The following PPIL3 variants were observed in gnomAD, a reference collection of about 807,000 sequenced individuals.
PPIL3 encodes peptidylprolyl isomerase like 3.
In PPIL3, 13 loss-of-function variants were observed where a neutral mutation model predicts 20.9. The observed-to-expected ratio is 0.62, with a 90% confidence interval of 0.40 to 0.99. The LOEUF is 0.99. PPIL3 is among the 50% of genes least tolerant of loss of function. The pLI, the probability that PPIL3 is intolerant of heterozygous loss-of-function variation, is 0.00. For missense variants in PPIL3, 170 were observed against 195.2 expected, an observed-to-expected ratio of 0.87 and a Z score of 0.77; for synonymous variants, 71 against 64.4, an observed-to-expected ratio of 1.10 and a Z score of -0.49.
chr2:200,880,302 T>C (rs575290689), intron 5 of PPIL3, among the ~76,000 whole-genome samples: 2 of 152,130 alleles, frequency 1.3e-5, no homozygotes, highest in African/African-American at 4.8e-5. Flanking sequence ...AGTCTCATCA[T>C]CCAGAGATAA....
intron 4 of PPIL3, 174 bp from the exon 5 acceptor site, chr2:200,881,662 CCT>C: frequency 1.9e-6 from 1 of 539,954 alleles, no homozygotes; most frequent in African/African-American, 2.2e-5. Flanking sequence ...TTAAAACAGA[CCT>C]ACAAAAAACA....
chr2:200,884,085 G>A (rs1296889209), intron 3 of PPIL3, among the ~76,000 whole-genome samples: 3 of 152,106 alleles, frequency 2.0e-5, no homozygotes, highest in Non-Finnish European at 4.4e-5. Context: ...ATATATACAG[G>A]TGACTCTTCT....
chr2:200,885,624 G>C (rs988202461), intron 3 of PPIL3, 74 bp downstream of exon 3: 2 of 957,078 alleles, frequency 2.1e-6, no homozygotes, highest in Non-Finnish European at 3.3e-6. Flanking sequence ...TGTTATTTAG[G>C]TTAGATTATT....
At chr2:200,886,454 C>T (rs1314291711) in intron 2 of PPIL3, among the ~76,000 whole-genome samples, 1 of 147,936 alleles carries the variant, frequency 6.8e-6, no homozygotes, top group Non-Finnish European at 1.5e-5. Context: ...GAGGTGGAGT[C>T]TTGCTCTGTC....
rs2301981 is a variant in PPIL3, at chr2:200,885,878, A to G, written c.4-106T>C. ...TCAAGATGATAATCTGAATAAAAAC[A>G]GACAGAAATACTGCTTCAGAGATGA... On this transcript the variant is annotated intron_variant, in intron 2 of 6. Transcript: ENST00000392283. The G allele has an allele frequency of 2.9e-3, 1,900 of 655,394 alleles. 88 individuals are homozygous for G. The East Asian group carries it at 0.055, about 19-fold the overall frequency. 40.6% of individuals were successfully genotyped at this position (655,394 alleles called of 1,614,324 possible). A position where few individuals can be genotyped will look rare whatever the true frequency, so the allele number is the denominator to read the frequency against.
intron 3 of PPIL3, chr2:200,885,394 T>C: frequency 3.0e-6 from 1 of 330,668 alleles, no homozygotes; most frequent in Non-Finnish European, 5.3e-6. Context: ...AATAAATAAA[T>C]AAAAAAAAAG....
chr2:200,881,089 A>G (rs1316406928), intron 5 of PPIL3, among the ~76,000 whole-genome samples: 1 of 152,144 alleles, frequency 6.6e-6, no homozygotes, highest in African/African-American at 2.4e-5. Flanking sequence ...CCCACTCTCA[A>G]AAAAGGCCAC....
chr2:200,884,471 C>T (rs1181871881), intron 3 of PPIL3, among the ~76,000 whole-genome samples: 1 of 152,162 alleles, frequency 6.6e-6, no homozygotes, highest in African/African-American at 2.4e-5. Flanking sequence ...GGCATGGTGG[C>T]TCACGCCTAT....
upstream of PPIL3, chr2:200,889,189 G>A: frequency 2.6e-6 from 1 of 385,770 alleles, no homozygotes; most frequent in South Asian, 1.9e-5. Flanking sequence ...ATTTGACAGT[G>A]AAAGGGAGCT....
rs1446049750 is a variant in PPIL3, at chr2:200,871,417, T to C, written c.464A>G (p.His155Arg). 1.2e-6 allele frequency: 2 copies of C among 1,611,260 alleles called. No individual in the cohort carries two copies. The highest frequency in any genetic ancestry group is 1.7e-6 in the Non-Finnish European group (2 of 1,178,198). Residue 155 changes from histidine (H) to arginine (R), a missense_variant, in exon 7 of 7, where the codon CAT becomes CGT. His to Arg is a conservative substitution (Grantham distance 29). Coordinates refer to ENST00000392283, the MANE Select transcript of PPIL3 (RefSeq NM_130906.3). ...TAGCTACTGAGCAAATGGGTTGGCA[T>C]GAATAGTTATGTCCTTAATGTGTAC... The part of the protein sequence containing the change: ...NDVHIKDITI[H>R]ANPFAQ
chr2:200,872,829 C>T (rs186203255), intron 6 of PPIL3, among the ~76,000 whole-genome samples: 23 of 151,828 alleles, frequency 1.5e-4, no homozygotes, highest in Admixed American at 1.2e-3. Context: ...GCAATACTGC[C>T]CTACAATGAG....
At chr2:200,881,579 G>A in intron 4 of PPIL3, 91 bp from the exon 5 acceptor site, 1 of 1,060,056 alleles carries the variant, frequency 9.4e-7, no homozygotes, top group Non-Finnish European at 1.4e-6. Context: ...TTTATAGTTT[G>A]ACTGCTTAAA....
In PPIL3 at chr2:200,887,640, G is replaced by A; in HGVS notation, c.-25C>T. ...TTTTTCCTCTTAGTGGTTTCAGGAA[G>A]GACTACGTGATTTCTCAGTCTTACA... On this transcript the variant is annotated 5_prime_UTR_variant, in exon 2 of 7. Transcript: ENST00000392283. 6.3e-7 allele frequency: 1 copy of A among 1,594,490 alleles called. No homozygotes were observed. The highest frequency in any genetic ancestry group is 8.6e-7 in the Non-Finnish European group (1 of 1,168,904).
At chr2:200,877,358 T>G (rs1344717560) in intron 5 of PPIL3, 1 of 214,550 alleles carries the variant, frequency 4.7e-6, no homozygotes, top group African/African-American at 2.3e-5. Flanking sequence ...AGTTTCTGCC[T>G]TTTCTGTACC....
At chr2:200,883,124 T>TC (rs536525506) in intron 3 of PPIL3, among the ~76,000 whole-genome samples, 132 of 144,810 alleles carry the variant, frequency 9.1e-4, no homozygotes, top group African/African-American at 3.0e-3. Flanking sequence ...TTTTTTTTTT[T>TC]TTTTTTTTTT....
chr2:200,871,443 A>C lies in PPIL3; in HGVS notation c.438T>G (p.Asp146Glu), dbSNP rs7562391. The change falls in exon 7 of 7, where the codon GAT becomes GAG. Residue 146 changes from aspartate to glutamate, a missense_variant. Transcript: ENST00000392283. Reference sequence around the variant, plus strand: ...GAATAGTTATGTCCTTAATGTGTACATCATTAAGAGGTCGGTATGTCTTCT... The same window carrying C: ...GAATAGTTATGTCCTTAATGTGTACCTCATTAAGAGGTCGGTATGTCTTCT... ...VNEKTYRPLN[D>E]VHIKDITIHA... The C allele has an allele frequency of 0.13, 206,166 of 1,606,606 alleles. 16,263 individuals are homozygous for C. Among genetic ancestry groups the C allele is most frequent in the African/African-American group, 0.37 (27,975 of 74,686 alleles).
intron 5 of PPIL3, among the ~76,000 whole-genome samples, chr2:200,878,210 C>A (rs967711449): frequency 3.9e-5 from 6 of 152,028 alleles, no homozygotes; most frequent in African/African-American, 1.5e-4. Context: ...AAAATAAGCA[C>A]CCATTAACAT....
chr2:200,874,875 G>A (rs2039456534), intron 6 of PPIL3, among the ~76,000 whole-genome samples: 1 of 152,120 alleles, frequency 6.6e-6, no homozygotes, highest in East Asian at 1.9e-4. Context: ...CCATAGGTGT[G>A]AGCCACCACA....
chr2:200,889,179 A>T (rs1049743613), upstream of PPIL3: 17 of 391,830 alleles, frequency 4.3e-5, no homozygotes, highest in African/African-American at 3.6e-4. Flanking sequence ...CCAACCGGAA[A>T]TTTGACAGTG....
Sources: gnomAD v4.1 joint callset for allele counts (sites outside exome capture counted in the v4.1 genomes callset) on GRCh38, gnomAD v4.1.1 for gene constraint, MANE v1.5 for transcripts, NCBI Gene and HGNC (gene_info 2026-07-23, HGNC 2026-07-21) for gene names.